The following GRIK2 variants were observed in gnomAD, a reference collection of about 807,000 sequenced individuals.
The protein encoded by GRIK2 is glutamate receptor ionotropic, kainate 2.
Under a neutral mutation model 100.3 loss-of-function variants are expected in GRIK2, and 32 were observed. The ratio of observed to expected loss-of-function variants is 0.32; its 90% CI spans 0.24 to 0.43. The LOEUF is 0.43. GRIK2 is among the 20% of genes least tolerant of loss of function. The probability of loss-of-function intolerance (pLI) is 1.00; values close to 1 mark genes in which losing one functional copy is unlikely to be tolerated. For synonymous variants in GRIK2, 417 were observed against 389.4 expected (o/e 1.07, Z -0.83); for missense variants, 843 against 1,114.9 (o/e 0.76, Z 3.47).
At chr6:101,513,446 T>A (rs370753885) in intron 2 of GRIK2, among the ~76,000 whole-genome samples, 20 of 152,018 alleles carry the variant, frequency 1.3e-4, no homozygotes, top group East Asian at 5.8e-4. Context: ...GGATTGGGAG[T>A]GTCTGGAAGA....
At chr6:101,419,317 C>T (rs1476935550) in intron 2 of GRIK2, among the ~76,000 whole-genome samples, 2 of 152,086 alleles carry the variant, frequency 1.3e-5, no homozygotes, top group Non-Finnish European at 2.9e-5. Flanking sequence ...TTTGTGTAGC[C>T]AGTAGCTTCA....
intron 3 of GRIK2, among the ~76,000 whole-genome samples, chr6:101,622,374 T>C (rs1178920823): frequency 6.6e-6 from 1 of 152,104 alleles, no homozygotes; most frequent in East Asian, 1.9e-4. Context: ...CATCTTATTA[T>C]AGAAGCATTC....
chr6:101,437,371 T>C (rs953975550), intron 2 of GRIK2, among the ~76,000 whole-genome samples: 11 of 152,126 alleles, frequency 7.2e-5, no homozygotes, highest in African/African-American at 2.7e-4. Flanking sequence ...AGAAACATCA[T>C]GTGGGGAGCA....
chr6:101,429,924 C>G (rs1209376114), intron 2 of GRIK2, among the ~76,000 whole-genome samples: 1 of 152,160 alleles, frequency 6.6e-6, no homozygotes, highest in East Asian at 1.9e-4. Context: ...GGTGTTCTGG[C>G]AGGAAAACAC....
chr6:101,596,898 C>G (rs1158721250), intron 2 of GRIK2, among the ~76,000 whole-genome samples: 1 of 151,526 alleles, frequency 6.6e-6, no homozygotes, highest in African/African-American at 2.4e-5. Context: ...GCTATATACC[C>G]AAAGGAAAGT....
intron 12 of GRIK2, among the ~76,000 whole-genome samples, chr6:101,890,988 T>G (rs1045541755): frequency 7.9e-5 from 1 of 12,728 alleles, no homozygotes; most frequent in African/African-American, 1.8e-3. Flanking sequence ...TATATATATA[T>G]ATATATATAT....
chr6:101,576,276 A>G (rs1436063879), intron 2 of GRIK2, among the ~76,000 whole-genome samples: 1 of 151,968 alleles, frequency 6.6e-6, no homozygotes, highest in Non-Finnish European at 1.5e-5. Flanking sequence ...TCCAAGGGAC[A>G]TTTCAAACCA....
At chr6:101,778,186 T>C (rs912160345) in intron 7 of GRIK2, among the ~76,000 whole-genome samples, 1 of 152,090 alleles carries the variant, frequency 6.6e-6, no homozygotes, top group African/African-American at 2.4e-5. Context: ...AAGAAAAATA[T>C]AAACAGTTTT....
chr6:102,011,746 G>T (rs1274616483), intron 14 of GRIK2, among the ~76,000 whole-genome samples: 4 of 151,558 alleles, frequency 2.6e-5, no homozygotes, highest in South Asian at 2.1e-4. Flanking sequence ...CACCACGCCC[G>T]GCTAATTTTT....
intron 2 of GRIK2, among the ~76,000 whole-genome samples, chr6:101,565,416 T>A (rs1351837710): frequency 6.6e-6 from 1 of 152,134 alleles, no homozygotes; most frequent in African/African-American, 2.4e-5. Context: ...TTTTCTACTT[T>A]GAAGAGTTTC....
At chr6:101,780,921 G>A (rs973236142) in intron 7 of GRIK2, among the ~76,000 whole-genome samples, 4 of 152,166 alleles carry the variant, frequency 2.6e-5, no homozygotes, top group African/African-American at 7.2e-5. Flanking sequence ...TATATTGCTA[G>A]GGGTTATAAG....
chr6:101,969,380 A>C lies in GRIK2; in HGVS notation c.2085+40748A>C, dbSNP rs1792894794. Reference sequence around the variant, plus strand: ...TGTATAGCTTCAAAATATTTGTTCTATAGCCTGTTTAATTTATGTTATTTC... The same window carrying C: ...TGTATAGCTTCAAAATATTTGTTCTCTAGCCTGTTTAATTTATGTTATTTC... On this transcript the variant is annotated intron_variant, in intron 14 of 16. Transcript: ENST00000369134. 2.6e-5 allele frequency among the ~76,000 whole-genome samples: 4 copies of C among 152,114 alleles called. No individual in the cohort carries two copies. In the South Asian group the frequency reaches 8.3e-4, roughly 32 times the overall value.
chr6:101,598,390 G>T (rs1779029102), intron 2 of GRIK2, among the ~76,000 whole-genome samples: 1 of 151,418 alleles, frequency 6.6e-6, no homozygotes, highest in Non-Finnish European at 1.5e-5. Context: ...AGACTTTATT[G>T]GTGCAAGTCT....
At position 102,051,262 on chromosome 6, in the gene GRIK2, TTCCTTCCTTCC is replaced by T. The variant is rs1562140300; in HGVS notation, c.2312-4066_2312-4056del. On this transcript the variant is annotated intron_variant, in intron 15 of 16. Transcript: ENST00000369134. ...CTGCTTCCCTCCCTCCCTTCCTTCC[TTCCTTCCTTCC>T]TTCCTTCCTTCCTTCCTTCCTTCCT... Among the ~76,000 whole-genome samples, 52 of 125,654 alleles carry T rather than the reference TTCCTTCCTTCC, an allele frequency of 4.1e-4. 1 individual carries two copies. Among genetic ancestry groups the T allele is most frequent in the Non-Finnish European group, 6.6e-4 (39 of 59,364 alleles). The allele number at this position is 125,654 out of a possible 152,430, so 82.4% of individuals were successfully genotyped here.
intron 2 of GRIK2, among the ~76,000 whole-genome samples, chr6:101,563,978 A>G (rs990794743): frequency 6.6e-6 from 1 of 152,180 alleles, no homozygotes; most frequent in Non-Finnish European, 1.5e-5. Flanking sequence ...CTATTTTACC[A>G]TACTATTTAT....
At chr6:101,417,081 C>G (rs1776175875) in intron 2 of GRIK2, among the ~76,000 whole-genome samples, 1 of 152,214 alleles carries the variant, frequency 6.6e-6, no homozygotes, top group Admixed American at 6.5e-5. Flanking sequence ...AGGGAGGCCT[C>G]ACAATCATGG....
chr6:101,735,446 A>G (rs1165744309), intron 7 of GRIK2, among the ~76,000 whole-genome samples: 1 of 152,218 alleles, frequency 6.6e-6, no homozygotes, highest in African/African-American at 2.4e-5. Context: ...CAAAAGAAAG[A>G]AGTGTAATGG....
Position 101,454,812 on chromosome 6 carries a change from G to C in GRIK2, c.115+55420G>C, listed in dbSNP as rs1242010201. Among the ~76,000 whole-genome samples the C allele has an allele frequency of 2.0e-5, 3 of 152,052 alleles. No individual in the cohort carries two copies. The East Asian group carries it at 5.8e-4, about 29-fold the overall frequency. On this transcript the variant is annotated intron_variant, in intron 2 of 16. Coordinates refer to ENST00000369134, the MANE Select transcript of GRIK2 (RefSeq NM_021956.5). Reference sequence around the variant, plus strand: ...GGATTACATGAGCATTGGTTTCAGTGCTCTGCTAAGAGAAGGAACTTAAGC... The same window carrying C: ...GGATTACATGAGCATTGGTTTCAGTCCTCTGCTAAGAGAAGGAACTTAAGC...
At chr6:101,966,852 T>C (rs997002835) in intron 14 of GRIK2, among the ~76,000 whole-genome samples, 10 of 152,130 alleles carry the variant, frequency 6.6e-5, no homozygotes, top group African/African-American at 2.2e-4. Context: ...TTTTATACTC[T>C]CCAGTACTTG....
Sources: allele counts gnomAD v4.1 joint callset (sites outside exome capture counted in the v4.1 genomes callset), GRCh38; gene constraint gnomAD v4.1.1; transcripts MANE v1.5; gene names NCBI Gene and HGNC (gene_info 2026-07-23, HGNC 2026-07-21).